The following AKAP13 variants were observed in gnomAD, a reference collection of about 807,000 sequenced individuals.
The protein encoded by AKAP13 is A-kinase anchoring protein 13, also known as A-kinase anchor protein 13.
In AKAP13, 80 loss-of-function variants were observed where a neutral mutation model predicts 264.5. The observed-to-expected ratio is 0.30, with a 90% CI of 0.25 to 0.36. The LOEUF is 0.36. Ranked by LOEUF, AKAP13 falls within the 10% of genes least tolerant of loss-of-function variation. The pLI is 1.00. For missense variants in AKAP13, 3,712 were observed against 3,435.2 expected (o/e 1.08, Z -2.01); for synonymous variants, 1,380 against 1,250.2 (o/e 1.10, Z -2.19).
intron 1 of AKAP13, among the ~76,000 whole-genome samples, chr15:85,414,901 T>C (rs1480303975): frequency 6.6e-6 from 1 of 151,738 alleles, no homozygotes; most frequent in African/African-American, 2.4e-5. Flanking sequence ...TATTCTGTTT[T>C]CTAAAATGGA....
intron 14 of AKAP13, among the ~76,000 whole-genome samples, chr15:85,676,671 G>A (rs1006169515): frequency 1.3e-5 from 2 of 152,108 alleles, no homozygotes; most frequent in Admixed American, 6.5e-5. Flanking sequence ...AAAATCCTGA[G>A]GAACATCACT....
intron 5 of AKAP13, among the ~76,000 whole-genome samples, chr15:85,553,405 A>C (rs1451539863): frequency 6.6e-6 from 1 of 152,188 alleles, no homozygotes; most frequent in African/African-American, 2.4e-5. Flanking sequence ...TGTAATTCTT[A>C]TACCATTTAA....
intron 1 of AKAP13, among the ~76,000 whole-genome samples, chr15:85,480,152 A>G (rs1050559846): frequency 7.9e-5 from 12 of 152,266 alleles, no homozygotes. Context: ...AGATATGTAC[A>G]CTTAACATTT....
intron 2 of AKAP13, among the ~76,000 whole-genome samples, chr15:85,492,402 A>G (rs1677167106): frequency 6.6e-6 from 1 of 152,228 alleles, no homozygotes. Context: ...ACAAAACTTT[A>G]AATGTACAGA....
chr15:85,554,378 G>A (rs894766020), intron 5 of AKAP13, among the ~76,000 whole-genome samples: 10 of 152,136 alleles, frequency 6.6e-5, no homozygotes, highest in Non-Finnish European at 1.0e-4. Context: ...TTTCAGGTGC[G>A]TATGAATATG....
At chr15:85,742,214 G>A (rs1474857024) in intron 35 of AKAP13, among the ~76,000 whole-genome samples, 2 of 152,364 alleles carry the variant, frequency 1.3e-5, no homozygotes, top group Middle Eastern at 3.4e-3. Context: ...CTCAGCTAGA[G>A]GAGTCTCAGT....
intron 8 of AKAP13, among the ~76,000 whole-genome samples, chr15:85,596,016 T>C (rs1259176782): frequency 3.3e-5 from 5 of 152,198 alleles, no homozygotes; most frequent in African/African-American, 7.2e-5. Context: ...GATGTAGACA[T>C]TTTGCTTCCA....
At chr15:85,405,955 C>G (rs941219038) in intron 1 of AKAP13, among the ~76,000 whole-genome samples, 1 of 152,132 alleles carries the variant, frequency 6.6e-6, no homozygotes, top group African/African-American at 2.4e-5. Flanking sequence ...TCAAGCAGAC[C>G]TGCTGCTTCA....
At chr15:85,593,828 TGATAATAGCTAAGTATAAGGGAAAG>T (rs1388141224) in intron 8 of AKAP13, among the ~76,000 whole-genome samples, 1 of 152,118 alleles carries the variant, frequency 6.6e-6, no homozygotes, top group African/African-American at 2.4e-5. Flanking sequence ...TGACAGCCAA[TGATAATAGCTAAGTATAAGGGAAAG>T]ATTATGGAGC....
intron 1 of AKAP13, among the ~76,000 whole-genome samples, chr15:85,424,750 T>C (rs781670273): frequency 3.3e-5 from 5 of 152,212 alleles, no homozygotes; most frequent in African/African-American, 4.8e-5. Context: ...TTGCTAACCT[T>C]AATTATTTCT....
Position 85,569,451 on chromosome 15 carries a change from CT to C in AKAP13, c.663-5662del, listed in dbSNP as rs71468120. The stretch of plus-strand genomic sequence containing the variant: ...TCAGATCAACATATTTTTTTCTTTT[CT>C]TTTTTTTTTTTTTTTTTGAGACAGA... On this transcript the variant is annotated intron_variant, in intron 5 of 36. Coordinates refer to ENST00000394518, the MANE Select transcript of AKAP13 (RefSeq NM_007200.5). Among the ~76,000 whole-genome samples, 1,084 of 121,792 alleles carry C rather than the reference CT, an allele frequency of 8.9e-3. 11 individuals are homozygous for C. The highest frequency in any genetic ancestry group is 0.029 in the African/African-American group (978 of 33,802). 79.9% of individuals were successfully genotyped at this position (121,792 alleles called of 152,430 possible). A position where few individuals can be genotyped will look rare whatever the true frequency, so the allele number is the denominator to read the frequency against.
At chr15:85,572,911 C>A (rs1351606895) in intron 5 of AKAP13, among the ~76,000 whole-genome samples, 1 of 152,156 alleles carries the variant, frequency 6.6e-6, no homozygotes, top group Non-Finnish European at 1.5e-5. Flanking sequence ...TGAGTGAAAA[C>A]ATGTGGTGTT....
intron 1 of AKAP13, among the ~76,000 whole-genome samples, chr15:85,449,374 T>C (rs559289203): frequency 4.6e-5 from 7 of 152,208 alleles, no homozygotes; most frequent in Non-Finnish European, 8.8e-5. Flanking sequence ...CATCTGCAAA[T>C]AGAGATAGTT....
intron 2 of AKAP13, among the ~76,000 whole-genome samples, chr15:85,506,662 G>T (rs2076232859): frequency 6.6e-6 from 1 of 152,162 alleles, no homozygotes; most frequent in Non-Finnish European, 1.5e-5. Flanking sequence ...CATTGAGGAT[G>T]GTCAGGGATG....
intron 12 of AKAP13, among the ~76,000 whole-genome samples, chr15:85,659,157 A>G (rs1240136625): frequency 6.6e-6 from 1 of 152,216 alleles, no homozygotes; most frequent in Non-Finnish European, 1.5e-5. Flanking sequence ...CTTAATTAGT[A>G]TTTGTCAGGT....
At chr15:85,722,405 G>A (rs1422130107) in intron 25 of AKAP13, 58 bp downstream of exon 25, 3 of 1,389,466 alleles carry the variant, frequency 2.2e-6, no homozygotes, top group Non-Finnish European at 3.0e-6. Flanking sequence ...TCTGTGGCCA[G>A]TAGTACTGGA....
chr15:85,424,689 T>G (rs1046751882), intron 1 of AKAP13, among the ~76,000 whole-genome samples: 8 of 152,266 alleles, frequency 5.3e-5, no homozygotes, highest in Non-Finnish European at 1.2e-4. Context: ...CTTGGCTGTT[T>G]GTTGCAAGAG....
intron 10 of AKAP13, among the ~76,000 whole-genome samples, chr15:85,649,709 G>C (rs558929159): frequency 6.6e-6 from 1 of 152,080 alleles, no homozygotes; most frequent in African/African-American, 2.4e-5. Flanking sequence ...TGAGCTTCAC[G>C]TTTATTCTCA....
chr15:85,381,521 C>CTTTTTTTT lies in AKAP13; in HGVS notation c.-12+737_-12+744dup, dbSNP rs1168869870. On this transcript the variant is annotated intron_variant, in intron 1 of 36. Transcript: ENST00000394518. ...TTTTTTTGGTAAATACGGTTTACTGCTTTTTTTTTTTTTTTTTTTTTGCAA... is the reference window on the plus strand; with the variant it reads ...TTTTTTTGGTAAATACGGTTTACTGCTTTTTTTTTTTTTTTTTTTTTTTTTTTTTGCAA... Among the ~76,000 whole-genome samples the CTTTTTTTT allele has an allele frequency of 6.7e-4, 43 of 64,292 alleles. 3 individuals carry two copies. The highest frequency in any genetic ancestry group is 0.026 in the Middle Eastern group (1 of 38). 42.2% of individuals were successfully genotyped at this position (64,292 alleles called of 152,430 possible).
Sources: allele counts gnomAD v4.1 joint callset (sites outside exome capture counted in the v4.1 genomes callset), GRCh38; gene constraint gnomAD v4.1.1; transcripts MANE v1.5; gene names NCBI Gene and HGNC (gene_info 2026-07-23, HGNC 2026-07-21).